CFAP97: variants seen among roughly 807,000 people sequenced by gnomAD.
The protein encoded by CFAP97 is cilia- and flagella-associated protein 97.
In CFAP97, 36 loss-of-function variants were observed where a neutral mutation model predicts 43.1. That is an observed-to-expected ratio of 0.84 (90% CI 0.64 to 1.10). The LOEUF is 1.10. Ranked by LOEUF, CFAP97 falls within the 50% of genes least tolerant of loss-of-function variation. CFAP97 has a pLI of 0.00. For synonymous variants in CFAP97, 228 were observed against 225.7 expected, an observed-to-expected ratio of 1.01 and a Z score of -0.09; for missense variants, 657 against 620.3, an observed-to-expected ratio of 1.06 and a Z score of -0.63.
intron 2 of CFAP97, among the ~76,000 whole-genome samples, chr4:185,183,886 C>T (rs1735902072): frequency 6.6e-6 from 1 of 152,212 alleles, no homozygotes; most frequent in South Asian, 2.1e-4. Context: ...TTCCCTTCTA[C>T]ATTTTAGCTC....
chr4:185,171,126 C>T (rs1358797313), intron 3 of CFAP97, among the ~76,000 whole-genome samples: 1 of 151,286 alleles, frequency 6.6e-6, no homozygotes, highest in Non-Finnish European at 1.5e-5. Flanking sequence ...ATCATCATTA[C>T]ATTATTTATT....
intron 1 of CFAP97, among the ~76,000 whole-genome samples, chr4:185,193,965 G>A (rs778457588): frequency 1.4e-4 from 21 of 152,084 alleles, no homozygotes; most frequent in Non-Finnish European, 2.2e-4. Context: ...TAAATATTAC[G>A]ATTCTGTTAA....
Position 185,175,865 on chromosome 4 carries a change from G to A in CFAP97, c.1241C>T (p.Ser414Leu), listed in dbSNP as rs764958265. The change falls in exon 3 of 5, where the codon TCG becomes TTG. Residue 414 changes from serine (S) to leucine (L), a missense_variant. Coordinates refer to ENST00000458385, the MANE Select transcript of CFAP97 (RefSeq NM_020827.3). ...KPGSKSTIPR[S>L]ADHPPKLYHS... is the part of the protein sequence containing the mutation. ...ATATAACTTTGGGGGATGATCAGCC[G>A]ATCTAGGAATTGTACTTTTGCTTCC... 2.2e-5 allele frequency: 35 copies of A among 1,613,696 alleles called. No homozygotes were observed. Among genetic ancestry groups the A allele is most frequent in the East Asian group, 1.1e-4 (5 of 44,880 alleles).
upstream of CFAP97, chr4:185,209,618 C>G: frequency 2.0e-6 from 1 of 504,702 alleles, no homozygotes; most frequent in Non-Finnish European, 2.6e-6. The surrounding 1 kb of genome is among the most constrained non-coding windows in gnomAD (Gnocchi z 5.2). Context: ...CGGTGGGGCT[C>G]CCTGGCTGCG....
In CFAP97 at chr4:185,176,004, G is replaced by C; in HGVS notation, c.1102C>G (p.Gln368Glu). ...TTTTTCCCGGGTGCTACTGAAGGCT[G>C]ATCAAAGTGATGTTTTTGTGGTCCT... Reference protein sequence around the residue: ...KKGPQKHHFDQPSVAPGKNYS... With the variant: ...KKGPQKHHFDEPSVAPGKNYS... The change falls in exon 3 of 5, where the codon CAG becomes GAG. Residue 368 changes from glutamine (Q) to glutamate (E), a missense_variant. Gln to Glu is a conservative substitution (Grantham distance 29). Coordinates refer to ENST00000458385, the MANE Select transcript of CFAP97 (RefSeq NM_020827.3). The C allele has an allele frequency of 1.9e-6, 3 of 1,610,050 alleles. No individual in the cohort carries two copies. The highest frequency in any genetic ancestry group is 2.5e-6 in the Non-Finnish European group (3 of 1,178,650).
chr4:185,170,250 G>A (rs1162074378), intron 3 of CFAP97: 1 of 651,910 alleles, frequency 1.5e-6, no homozygotes, highest in Non-Finnish European at 2.8e-6. Flanking sequence ...GGAGGCCGAG[G>A]CAGGAGAATC....
chr4:185,186,129 A>G (rs1295067803), intron 2 of CFAP97, among the ~76,000 whole-genome samples: 1 of 152,150 alleles, frequency 6.6e-6, no homozygotes. Context: ...TGCAACTAAC[A>G]TCTAAGAAAC....
In CFAP97 at chr4:185,170,962, C is replaced by T. The variant is rs1173377742; in HGVS notation, c.1320+4824G>A. Among the ~76,000 whole-genome samples, 256 of 111,066 alleles carry T rather than the reference C, an allele frequency of 2.3e-3. 1 individual carries two copies. Among genetic ancestry groups the T allele is most frequent in the African/African-American group, 8.4e-3 (247 of 29,492 alleles). The allele number at this position is 111,066 out of a possible 152,430, so 72.9% of individuals were successfully genotyped here. A position where few individuals can be genotyped will look rare whatever the true frequency, so the allele number is the denominator to read the frequency against. On this transcript the variant is annotated intron_variant, in intron 3 of 4. Transcript: ENST00000458385. ...ACTGAGCCACTTACTCCAGCCTGGG[C>T]GACAAAGCAAGACTTTGTCTCAAAA...
chr4:185,208,107 A>ATTTAT (rs1464494103), upstream of CFAP97, among the ~76,000 whole-genome samples: 3 of 151,940 alleles, frequency 2.0e-5, no homozygotes, highest in African/African-American at 7.3e-5. Flanking sequence ...ATACTGCTTT[A>ATTTAT]TTTATTTTAT....
At chr4:185,173,327 C>T (rs947620895) in intron 3 of CFAP97, among the ~76,000 whole-genome samples, 15 of 147,968 alleles carry the variant, frequency 1.0e-4, no homozygotes, top group African/African-American at 3.5e-4. Context: ...CACGTCACTG[C>T]ACTCCAGCCT....
chr4:185,185,301 G>GA (rs1193648680), intron 2 of CFAP97, among the ~76,000 whole-genome samples: 1 of 151,700 alleles, frequency 6.6e-6, no homozygotes, highest in East Asian at 1.9e-4. Flanking sequence ...TGATGCACAA[G>GA]AAAAAAGGCA....
chr4:185,198,395 A>G (rs1011079223), intron 1 of CFAP97, among the ~76,000 whole-genome samples: 1 of 151,642 alleles, frequency 6.6e-6, no homozygotes, highest in African/African-American at 2.4e-5. Context: ...GTGAGCCAAG[A>G]TTGCATCACT....
At chr4:185,186,466 T>C (rs539352092) in intron 2 of CFAP97, among the ~76,000 whole-genome samples, 1 of 152,210 alleles carries the variant, frequency 6.6e-6, no homozygotes, top group East Asian at 1.9e-4. Flanking sequence ...AAAATACGAC[T>C]TGTGGTATAA....
intron 3 of CFAP97, among the ~76,000 whole-genome samples, chr4:185,172,792 T>C (rs924493719): frequency 8.7e-5 from 13 of 149,576 alleles, no homozygotes; most frequent in East Asian, 3.9e-4. Context: ...GGCAGAAGGA[T>C]TGCCTGAGGT....
chr4:185,196,058 G>A (rs371295145), intron 1 of CFAP97, among the ~76,000 whole-genome samples: 14 of 152,048 alleles, frequency 9.2e-5, no homozygotes, highest in East Asian at 3.9e-4. Context: ...AAAAGTAAAC[G>A]GTTTAATAGC....
intron 2 of CFAP97, among the ~76,000 whole-genome samples, chr4:185,176,765 G>A (rs1212899393): frequency 6.6e-6 from 1 of 152,098 alleles, no homozygotes; most frequent in Non-Finnish European, 1.5e-5. Context: ...TAGTTGGAGG[G>A]CATACTTCCA....
At chr4:185,178,918 CAGCAGACCCCCA>C (rs1735668627) in intron 2 of CFAP97, among the ~76,000 whole-genome samples, 1 of 152,032 alleles carries the variant, frequency 6.6e-6, no homozygotes, top group South Asian at 2.1e-4. Flanking sequence ...AGATCTGGCC[CAGCAGACCCCCA>C]AGCAGAACGC....
At chr4:185,163,503 G>A (rs1307794678) in intron 4 of CFAP97, among the ~76,000 whole-genome samples, 1 of 151,968 alleles carries the variant, frequency 6.6e-6, no homozygotes, top group Non-Finnish European at 1.5e-5. Context: ...GCACTAAATG[G>A]TCACTCCATT....
chr4:185,206,895 T>C (rs370102606), upstream of CFAP97, among the ~76,000 whole-genome samples: 19 of 152,264 alleles, frequency 1.2e-4, no homozygotes, highest in East Asian at 1.5e-3. Context: ...TAGGATGGCA[T>C]AACTCTGAGG....
Sources: gnomAD v4.1 joint callset for allele counts (sites outside exome capture counted in the v4.1 genomes callset) on GRCh38, gnomAD v4.1.1 for gene constraint, Gnocchi (gnomAD v3.1) non-coding constraint, MANE v1.5 for transcripts, NCBI Gene and HGNC (gene_info 2026-07-23, HGNC 2026-07-21) for gene names.